CHRM2: variants seen among roughly 807,000 people sequenced by gnomAD.
CHRM2 encodes muscarinic acetylcholine receptor M2.
CHRM2 carries 8 observed loss-of-function variants against 25.0 expected under a neutral mutation model. The ratio of observed to expected loss-of-function variants is 0.32; its 90% confidence interval spans 0.19 to 0.58. CHRM2 has a LOEUF of 0.58. CHRM2 is among the 20% of genes least tolerant of loss of function. CHRM2 has a pLI of 0.88. For synonymous variants in CHRM2, 202 were observed against 205.7 expected (o/e 0.98, Z 0.15); for missense variants, 440 against 567.1 (o/e 0.78, Z 2.28).
At chr7:136,941,509 C>T (rs1036094386) in intron 2 of CHRM2, among the ~76,000 whole-genome samples, 9 of 152,156 alleles carry the variant, frequency 5.9e-5, no homozygotes, top group East Asian at 3.8e-4. Context: ...AAGCAAAGTG[C>T]GTTGTCCTGC....
intron 2 of CHRM2, among the ~76,000 whole-genome samples, chr7:136,892,935 G>A (rs556527702): frequency 1.3e-5 from 2 of 152,282 alleles, no homozygotes; most frequent in Admixed American, 6.5e-5. Flanking sequence ...TTACAGGCAT[G>A]AGCCACCACA....
intron 2 of CHRM2, among the ~76,000 whole-genome samples, chr7:136,909,582 G>A (rs1797729992): frequency 6.6e-6 from 1 of 151,878 alleles, no homozygotes; most frequent in Non-Finnish European, 1.5e-5. Flanking sequence ...AGCTGCAGAT[G>A]TCAGGTTTAT....
At chr7:136,893,279 TG>T (rs1796766976) in intron 2 of CHRM2, among the ~76,000 whole-genome samples, 1 of 152,108 alleles carries the variant, frequency 6.6e-6, no homozygotes, top group Non-Finnish European at 1.5e-5. Flanking sequence ...CCTTTTAGTT[TG>T]GGGAGGGGAA....
At position 137,015,210 on chromosome 7, in the gene CHRM2, C is replaced by G. The variant is rs951514224; in HGVS notation, c.345C>G (p.Leu115=). 1 of 1,613,314 alleles carries G rather than the reference C, an allele frequency of 6.2e-7. No individual in the cohort carries two copies. Among genetic ancestry groups the G allele is most frequent in the Non-Finnish European group, 8.5e-7 (1 of 1,179,636 alleles). The change falls in exon 4 of 4, where the codon CTC becomes CTG. Residue 115 remains leucine (L), a synonymous_variant. Transcript: ENST00000680005. This position sits in a 1 kb window ranked among gnomAD's most constrained non-coding sequence, Gnocchi z 5.1. The stretch of plus-strand genomic sequence containing the variant: ...GCAATGCCTCAGTTATGAATCTGCT[C>G]ATCATCAGCTTTGACAGGTACTTCT... ...VVSNASVMNL[L]IISFDRYFCV...
intron 3 of CHRM2, among the ~76,000 whole-genome samples, chr7:136,996,128 T>C (rs181400572): frequency 3.3e-5 from 5 of 152,028 alleles, no homozygotes; most frequent in Admixed American, 1.3e-4. Flanking sequence ...TTTTTTAAAA[T>C]TGATATTAGA....
chr7:136,962,606 G>C (rs1801170253), intron 2 of CHRM2, among the ~76,000 whole-genome samples: 1 of 152,172 alleles, frequency 6.6e-6, no homozygotes, highest in Non-Finnish European at 1.5e-5. Context: ...TTGAAAGTTA[G>C]TGGGGAAATG....
intron 3 of CHRM2, among the ~76,000 whole-genome samples, chr7:137,010,308 A>G (rs1190858813): frequency 6.6e-6 from 1 of 152,076 alleles, no homozygotes; most frequent in African/African-American, 2.4e-5. Context: ...ACATTGTCTT[A>G]TAAGTTTCCA....
intron 2 of CHRM2, among the ~76,000 whole-genome samples, chr7:136,916,957 T>C (rs1174998723): frequency 6.6e-6 from 1 of 151,848 alleles, no homozygotes; most frequent in Non-Finnish European, 1.5e-5. Context: ...AAAAATTCTG[T>C]GTATATATTT....
chr7:136,900,862 A>G (rs145240983), intron 2 of CHRM2, among the ~76,000 whole-genome samples: 3 of 152,174 alleles, frequency 2.0e-5, no homozygotes, highest in African/African-American at 7.2e-5. Context: ...ACAGTGGCAT[A>G]TAGACGTCAG....
In CHRM2 at chr7:137,014,985, G is replaced by A. The variant is rs1269385852; in HGVS notation, c.120G>A (p.Gly40=). The A allele has an allele frequency of 6.2e-7, 1 of 1,613,094 alleles. No individual in the cohort carries two copies. The highest frequency in any genetic ancestry group is 1.3e-5 in the African/African-American group (1 of 74,794). ...CCCTCAGTTTGGTGACCATTATCGG[G>A]AACATCCTAGTCATGGTTTCCATTA... The part of the protein sequence containing the change: ...AGSLSLVTII[G]NILVMVSIKV... The change falls in exon 4 of 4, where the codon GGG becomes GGA. Residue 40 remains glycine, a synonymous_variant. Coordinates refer to ENST00000680005, the MANE Select transcript of CHRM2 (RefSeq NM_001006630.2).
At chr7:136,982,329 A>G (rs1210756915) in intron 2 of CHRM2, among the ~76,000 whole-genome samples, 3 of 152,130 alleles carry the variant, frequency 2.0e-5, no homozygotes, top group Non-Finnish European at 2.9e-5. Context: ...TTTTGAGCCT[A>G]CGTGTGTCTT....
chr7:136,934,263 G>T (rs968710810), intron 2 of CHRM2, among the ~76,000 whole-genome samples: 1 of 151,860 alleles, frequency 6.6e-6, no homozygotes, highest in Non-Finnish European at 1.5e-5. Flanking sequence ...TCCCTCTCTT[G>T]TTCTTCCTTC....
intron 2 of CHRM2, among the ~76,000 whole-genome samples, chr7:136,944,768 A>G (rs1238573989): frequency 6.6e-6 from 1 of 152,064 alleles, no homozygotes; most frequent in Non-Finnish European, 1.5e-5. Flanking sequence ...TAGTGGTTGT[A>G]CTATTAGGTT....
At chr7:136,914,256 G>A (rs1169283193) in intron 2 of CHRM2, 1 of 151,840 alleles carries the variant, frequency 6.6e-6, no homozygotes, top group Non-Finnish European at 1.5e-5. Context: ...TAGTCTCCAG[G>A]TGATTGCAAA....
At chr7:136,916,044 C>T (rs1798086877) in intron 2 of CHRM2, among the ~76,000 whole-genome samples, 1 of 151,656 alleles carries the variant, frequency 6.6e-6, no homozygotes, top group Admixed American at 6.6e-5. Context: ...ATAATCTAAC[C>T]CCATGGTGCA....
At chr7:136,955,521 T>A (rs1254009567) in intron 2 of CHRM2, among the ~76,000 whole-genome samples, 1 of 152,162 alleles carries the variant, frequency 6.6e-6, no homozygotes, top group Non-Finnish European at 1.5e-5. Flanking sequence ...ATTCCAGCCA[T>A]GAGTTGGATG....
At chr7:136,899,458 T>A (rs905778132) in intron 2 of CHRM2, 4 of 152,120 alleles carry the variant, frequency 2.6e-5, no homozygotes, top group African/African-American at 9.7e-5. Flanking sequence ...ATGATTTCCA[T>A]CTATTAGCCA....
chr7:136,897,821 A>G (rs1186632012), intron 2 of CHRM2, among the ~76,000 whole-genome samples: 1 of 152,012 alleles, frequency 6.6e-6, no homozygotes, highest in Non-Finnish European at 1.5e-5. Flanking sequence ...TTTTTTGTTC[A>G]TAATTTACAA....
chr7:136,968,862 C>T (rs1411861579), intron 2 of CHRM2, among the ~76,000 whole-genome samples: 1 of 151,604 alleles, frequency 6.6e-6, no homozygotes, highest in African/African-American at 2.4e-5. Flanking sequence ...AAAACACAAA[C>T]ACTGCACTAT....
Sources: allele counts gnomAD v4.1 joint callset (sites outside exome capture counted in the v4.1 genomes callset), GRCh38; gene constraint gnomAD v4.1.1; non-coding constraint Gnocchi (gnomAD v3.1); transcripts MANE v1.5; gene names NCBI Gene and HGNC (gene_info 2026-07-23, HGNC 2026-07-21).